Variants in ERC2 observed in about 807,000 individuals in gnomAD.
ERC2 encodes the protein ELKS/RAB6-interacting/CAST family member 2.
Under a neutral mutation model 114.8 loss-of-function variants are expected in ERC2, and 42 were observed. The ratio of observed to expected loss-of-function variants is 0.37; its 90% CI spans 0.29 to 0.47. ERC2 has a LOEUF of 0.47. ERC2 is among the 20% of genes least tolerant of loss of function. The pLI, the probability that ERC2 is intolerant of heterozygous loss-of-function variation, is 0.99. For synonymous variants in ERC2, 454 were observed against 425.5 expected, an observed-to-expected ratio of 1.07 and a Z score of -0.82; for missense variants, 939 against 1,150.7, an observed-to-expected ratio of 0.82 and a Z score of 2.66.
chr3:55,738,453 A>G (rs2065777259), intron 14 of ERC2, among the ~76,000 whole-genome samples: 6 of 152,194 alleles, frequency 3.9e-5, no homozygotes, highest in Admixed American at 3.3e-4. Flanking sequence ...TCAAGTAAAC[A>G]GCAGGTACAT....
At position 55,574,203 on chromosome 3, in the gene ERC2, C is replaced by T. The variant is rs549529963; in HGVS notation, c.*40-62927G>A. ...GTCCGTACAGGTGAAGTGACTTATC[C>T]AAGGCTTCACAGCTTCATAGCCTGG... On this transcript the variant is annotated intron_variant, in intron 17 of 17. Coordinates refer to ENST00000288221, the MANE Select transcript of ERC2 (RefSeq NM_015576.3). 7.1e-4 allele frequency among the ~76,000 whole-genome samples: 108 copies of T among 152,256 alleles called. 1 individual carries two copies. Among genetic ancestry groups the T allele is most frequent in the Admixed American group, 1.4e-3 (21 of 15,296 alleles).
intron 17 of ERC2, among the ~76,000 whole-genome samples, chr3:55,638,057 C>T (rs1439522284): frequency 6.6e-6 from 1 of 152,170 alleles, no homozygotes; most frequent in Non-Finnish European, 1.5e-5. Flanking sequence ...TTCATTTCTC[C>T]CCACACAATG....
rs2062379137 is a variant in ERC2, at chr3:56,442,766, A to G, written c.-140-7619T>C. 2.6e-5 allele frequency among the ~76,000 whole-genome samples: 4 copies of G among 152,226 alleles called. 1 individual carries two copies. In the South Asian group the frequency reaches 8.3e-4, roughly 32 times the overall value. On this transcript the variant is annotated intron_variant, in intron 1 of 17. Coordinates refer to ENST00000288221, the MANE Select transcript of ERC2 (RefSeq NM_015576.3). ...TCTTCCCTTCAGAATACCTGAAAAC[A>G]TTTCACTGAACACTTGAATTTACTC...
At chr3:56,085,682 G>C (rs2077465690) in intron 6 of ERC2, among the ~76,000 whole-genome samples, 2 of 152,108 alleles carry the variant, frequency 1.3e-5, no homozygotes, top group Non-Finnish European at 2.9e-5. Flanking sequence ...ATTATATCTG[G>C]TGAAAAAATA....
intron 17 of ERC2, among the ~76,000 whole-genome samples, chr3:55,626,406 C>T (rs2059526088): frequency 6.6e-6 from 1 of 152,198 alleles, no homozygotes; most frequent in Admixed American, 6.5e-5. Flanking sequence ...GGAGTAACTT[C>T]CCTAAGTCCG....
At chr3:55,925,012 G>T (rs1043925962) in intron 13 of ERC2, among the ~76,000 whole-genome samples, 1 of 152,124 alleles carries the variant, frequency 6.6e-6, no homozygotes, top group Admixed American at 6.6e-5. Context: ...GCTTAAACAA[G>T]GTTATTTAAT....
intron 4 of ERC2, among the ~76,000 whole-genome samples, chr3:56,152,558 A>G (rs1020342666): frequency 6.6e-6 from 1 of 152,176 alleles, no homozygotes; most frequent in Admixed American, 6.6e-5. Flanking sequence ...CCTGGAACTT[A>G]GCACCTCACG....
At chr3:56,250,479 T>C (rs930424110) in intron 3 of ERC2, among the ~76,000 whole-genome samples, 6 of 152,186 alleles carry the variant, frequency 3.9e-5, no homozygotes, top group African/African-American at 1.4e-4. Flanking sequence ...CTTACAAATA[T>C]TTCACCTTCA....
At chr3:56,277,639 T>C (rs190820368) in intron 3 of ERC2, among the ~76,000 whole-genome samples, 245 of 152,128 alleles carry the variant, frequency 1.6e-3, no homozygotes, top group Non-Finnish European at 2.9e-3. Flanking sequence ...AACAGTCTCC[T>C]AGGCTTTCAA....
chr3:56,086,089 T>A (rs1418034558), intron 6 of ERC2, among the ~76,000 whole-genome samples: 3 of 152,154 alleles, frequency 2.0e-5, no homozygotes, highest in Non-Finnish European at 4.4e-5. Flanking sequence ...AGAAAAATAT[T>A]CCATATACCC....
intron 14 of ERC2, among the ~76,000 whole-genome samples, chr3:55,759,829 C>A (rs2067310234): frequency 6.6e-6 from 1 of 152,200 alleles, no homozygotes; most frequent in Admixed American, 6.5e-5. Context: ...CTTAAACTTA[C>A]ATGAAGTAGA....
chr3:55,680,492 A>G (rs1317438343), intron 17 of ERC2, among the ~76,000 whole-genome samples: 2 of 152,230 alleles, frequency 1.3e-5, no homozygotes, highest in African/African-American at 2.4e-5. Context: ...GCTGACACAA[A>G]TGATACCTAC....
chr3:55,829,840 T>G (rs907028413), intron 14 of ERC2, among the ~76,000 whole-genome samples: 3 of 152,160 alleles, frequency 2.0e-5, no homozygotes, highest in African/African-American at 4.8e-5. Context: ...TATCGAACAT[T>G]TGTGTCATTG....
chr3:56,438,986 C>G (rs922707954), intron 1 of ERC2, among the ~76,000 whole-genome samples: 2 of 152,184 alleles, frequency 1.3e-5, no homozygotes, highest in African/African-American at 4.8e-5. Context: ...TATGTTGCCA[C>G]TGGCCCATAG....
At chr3:56,022,172 A>T (rs2073763287) in intron 7 of ERC2, among the ~76,000 whole-genome samples, 1 of 152,246 alleles carries the variant, frequency 6.6e-6, no homozygotes, top group African/African-American at 2.4e-5. Context: ...TAACTAAATG[A>T]AAATAGTAGA....
intron 6 of ERC2, among the ~76,000 whole-genome samples, chr3:56,083,153 A>C (rs73072515): frequency 0.13 from 20,313 of 152,174 alleles, 1,450 homozygotes; most frequent in East Asian, 0.16. Flanking sequence ...AAACAACACA[A>C]ATGTCTATCA....
chr3:56,288,991 T>A (rs556386254), intron 3 of ERC2, among the ~76,000 whole-genome samples: 2 of 152,234 alleles, frequency 1.3e-5, no homozygotes, highest in African/African-American at 4.8e-5. Context: ...ATCAGATGTG[T>A]GTGAAAAAAA....
chr3:56,235,183 T>C (rs1393760948), intron 3 of ERC2, among the ~76,000 whole-genome samples: 8 of 152,176 alleles, frequency 5.3e-5, no homozygotes, highest in Admixed American at 5.2e-4. Flanking sequence ...ACCTTATGCA[T>C]ACAACAATCA....
chr3:56,041,990 C>G (rs945964636), intron 7 of ERC2, among the ~76,000 whole-genome samples: 4 of 152,054 alleles, frequency 2.6e-5, no homozygotes, highest in African/African-American at 9.7e-5. Flanking sequence ...TGAAAAGAAG[C>G]AAAGTAACTT....
Sources: allele counts gnomAD v4.1 joint callset (sites outside exome capture counted in the v4.1 genomes callset), GRCh38; gene constraint gnomAD v4.1.1; transcripts MANE v1.5; gene names NCBI Gene and HGNC (gene_info 2026-07-23, HGNC 2026-07-21).